The following SLC2A11 variants were observed in gnomAD, a reference collection of about 807,000 sequenced individuals.
The protein encoded by SLC2A11 is solute carrier family 2 member 11.
A neutral mutation model predicts 52.1 loss-of-function variants in SLC2A11; 43 were observed. The observed-to-expected ratio is 0.82, with a 90% CI of 0.65 to 1.06. The LOEUF is 1.06. SLC2A11 is among the 50% of genes least tolerant of loss of function. The probability of loss-of-function intolerance (pLI) is 0.00; values close to 1 mark genes in which losing one functional copy is unlikely to be tolerated. For synonymous variants in SLC2A11, 261 were observed against 277.6 expected (o/e 0.94, Z 0.59); for missense variants, 582 against 654.2 (o/e 0.89, Z 1.20).
intron 1 of SLC2A11, among the ~76,000 whole-genome samples, chr22:23,861,310 A>G (rs1438173073): frequency 1.2e-4 from 10 of 84,124 alleles, no homozygotes; most frequent in Non-Finnish European, 1.5e-4. Flanking sequence ...AAAAAAAAAA[A>G]AAAAAGAAAA....
chr22:23,884,688 G>A lies in SLC2A11; in HGVS notation c.1339G>A (p.Val447Ile), dbSNP rs372850687. 1.2e-5 allele frequency: 19 copies of A among 1,613,912 alleles called. No individual in the cohort carries two copies. The highest frequency in any genetic ancestry group is 1.4e-5 in the Non-Finnish European group (17 of 1,179,994). Reference sequence around the variant, plus strand: ...CTTCCTCTATGTCCCTTTCCTTGGTGTCTGTGTCTGTGGGGCCATCTACAC... The same window carrying A: ...CTTCCTCTATGTCCCTTTCCTTGGTATCTGTGTCTGTGGGGCCATCTACAC... Reference protein sequence around the residue: ...SHFLYVPFLGVCVCGAIYTGL... With the variant: ...SHFLYVPFLGICVCGAIYTGL... Residue 447 changes from valine (V) to isoleucine (I), a missense_variant, in exon 12 of 12, where the codon GTC becomes ATC. By Grantham distance (29) the Val-to-Ile change is conservative. Transcript: ENST00000316185. The surrounding 1 kb of genome is among the most constrained non-coding windows in gnomAD (Gnocchi z 4.3).
At position 23,857,914 on chromosome 22, in the gene SLC2A11, G is replaced by T; in HGVS notation, c.-86G>T. The T allele has an allele frequency of 6.3e-7, 1 of 1,583,034 alleles. No individual in the cohort carries two copies. The highest frequency in any genetic ancestry group is 8.6e-7 in the Non-Finnish European group (1 of 1,165,660). ...GGCGCTGCGCGCTGCCCTTCCCTCC[G>T]CGCACAGGCTGCCGGCTCACCGCTT... is the stretch of plus-strand genomic sequence containing the variant. On this transcript the variant is annotated 5_prime_UTR_variant, in exon 1 of 12. Transcript: ENST00000316185.
At chr22:23,868,733 C>A in intron 3 of SLC2A11, 92 bp downstream of exon 3, 2 of 1,484,536 alleles carry the variant, frequency 1.3e-6, no homozygotes, top group Non-Finnish European at 1.8e-6. Context: ...AGAGGCCCGG[C>A]AAGCTCCAGG....
intron 2 of SLC2A11, chr22:23,865,770 G>A (rs1019788131): frequency 5.3e-5 from 8 of 152,320 alleles, no homozygotes; most frequent in African/African-American, 1.7e-4. Context: ...GATCAGATGT[G>A]GAGGATGAGG....
Position 23,883,519 on chromosome 22 carries a change from A to C in SLC2A11, c.994-253A>C, listed in dbSNP as rs200015247. The C allele has an allele frequency of 1.3e-5, 6 of 476,572 alleles. No homozygotes were observed. In the East Asian group the frequency reaches 2.1e-4, roughly 17 times the overall value. The allele number at this position is 476,572 out of a possible 1,614,324, so 29.5% of individuals were successfully genotyped here. A position where few individuals can be genotyped will look rare whatever the true frequency, so the allele number is the denominator to read the frequency against. ...CCTGTCTCAATCAATCAATCAATGCAGTGAGTTAGAGAGCATCTATTGAGC... is the reference window on the plus strand; with the variant it reads ...CCTGTCTCAATCAATCAATCAATGCCGTGAGTTAGAGAGCATCTATTGAGC... On this transcript the variant is annotated intron_variant, in intron 8 of 11. Transcript: ENST00000316185.
intron 3 of SLC2A11, 154 bp downstream of exon 3, chr22:23,868,795 C>T: frequency 1.2e-6 from 1 of 828,938 alleles, no homozygotes; most frequent in Non-Finnish European, 1.8e-6. Flanking sequence ...TTTCACCTTG[C>T]AAGACACGTC....
At chr22:23,882,331 CAG>C (rs2146143952) in intron 6 of SLC2A11, 126 bp from the exon 7 acceptor site, 1 of 800,272 alleles carries the variant, frequency 1.2e-6, no homozygotes, top group South Asian at 1.8e-5. Context: ...CACACACACA[CAG>C]ACAGACTCAG....
At chr22:23,866,431 C>G (rs538743421) in intron 2 of SLC2A11, 1 of 169,114 alleles carries the variant, frequency 5.9e-6, no homozygotes, top group Admixed American at 6.5e-5. Context: ...AGGAGACCTG[C>G]AAATGACATT....
intron 2 of SLC2A11, chr22:23,862,472 T>G: frequency 2.1e-6 from 1 of 468,294 alleles, no homozygotes; most frequent in Non-Finnish European, 3.9e-6. Flanking sequence ...CTTCATCTCT[T>G]GGACACTAAG....
At chr22:23,874,623 AT>A (rs906486157) in intron 3 of SLC2A11, among the ~76,000 whole-genome samples, 4 of 151,176 alleles carry the variant, frequency 2.6e-5, no homozygotes, top group Admixed American at 2.6e-4. Flanking sequence ...CTAATTTTGT[AT>A]TTTTTTTAGT....
rs912549313 is a variant in SLC2A11 at position 23,877,298 on chromosome 22, C to T, written c.545+127C>T. The T allele has an allele frequency of 3.0e-5, 44 of 1,478,908 alleles. No individual in the cohort carries two copies. The African/African-American group carries it at 5.7e-4, about 19-fold the overall frequency. 91.6% of individuals were successfully genotyped at this position (1,478,908 alleles called of 1,614,324 possible). A position where few individuals can be genotyped will look rare whatever the true frequency, so the allele number is the denominator to read the frequency against. ...ATTGCTTTGCATGAAGGCATCGAAT[C>T]CTCTATCCACATCTCTGCTGCCAAT... On this transcript the variant is annotated intron_variant, in intron 5 of 11. Transcript: ENST00000316185.
chr22:23,883,885 G>A lies in SLC2A11; in HGVS notation c.1095+12G>A. 1 of 1,603,204 alleles carries A rather than the reference G, an allele frequency of 6.2e-7. No individual in the cohort carries two copies. Among genetic ancestry groups the A allele is most frequent in the Non-Finnish European group, 8.5e-7 (1 of 1,176,664 alleles). ...CCCTGTGCCTGCAGGTAGCTGGGGT[G>A]GATGAGGGCTGGGGGGTCCAGGCCG... On this transcript the variant is annotated intron_variant, in intron 9 of 11. Coordinates refer to ENST00000316185, the MANE Select transcript of SLC2A11 (RefSeq NM_001024939.4).
intron 8 of SLC2A11, 162 bp from the exon 9 acceptor site, chr22:23,883,606 GTGAT>G (rs1263009898): frequency 7.2e-6 from 4 of 558,476 alleles, no homozygotes; most frequent in African/African-American, 2.0e-5. Flanking sequence ...CTGAAGTTGG[GTGAT>G]TGATTGACCA....
intron 5 of SLC2A11, 177 bp from the exon 6 acceptor site, chr22:23,877,544 C>T (rs777939934): frequency 1.0e-5 from 9 of 884,508 alleles, no homozygotes; most frequent in Admixed American, 2.0e-5. Flanking sequence ...TGGCCCTGTC[C>T]TCTCTTGGTC....
chr22:23,864,027 G>C (rs1249078183), intron 2 of SLC2A11, among the ~76,000 whole-genome samples: 1 of 152,158 alleles, frequency 6.6e-6, no homozygotes, highest in Non-Finnish European at 1.5e-5. Context: ...TTCCAGGTTA[G>C]CTCATGTAGA....
chr22:23,861,092 G>A (rs530929437), intron 1 of SLC2A11, among the ~76,000 whole-genome samples: 23 of 151,822 alleles, frequency 1.5e-4, no homozygotes, highest in African/African-American at 4.8e-4. Context: ...TGATCCGCCC[G>A]CCTCGGCCTC....
chr22:23,858,167 T>C (rs2031924980), intron 1 of SLC2A11, 138 bp downstream of exon 1: 1 of 1,265,248 alleles, frequency 7.9e-7, no homozygotes, highest in Non-Finnish European at 1.1e-6. Context: ...GTATGTACAG[T>C]GGCGTTAGGT....
At chr22:23,874,475 G>A (rs1425354949) in intron 3 of SLC2A11, among the ~76,000 whole-genome samples, 1 of 149,826 alleles carries the variant, frequency 6.7e-6, no homozygotes, top group African/African-American at 2.5e-5. Context: ...TTTTGAGATG[G>A]AATTTTGCTC....
At chr22:23,868,672 C>T (rs1350051315) in intron 3 of SLC2A11, 31 bp downstream of exon 3, 1 of 1,611,950 alleles carries the variant, frequency 6.2e-7, no homozygotes, top group East Asian at 2.2e-5. Flanking sequence ...CCCTGAATGC[C>T]CTTTAATGAG....
Sources: allele counts gnomAD v4.1 joint callset (sites outside exome capture counted in the v4.1 genomes callset), GRCh38; gene constraint gnomAD v4.1.1; non-coding constraint Gnocchi (gnomAD v3.1); transcripts MANE v1.5; gene names NCBI Gene and HGNC (gene_info 2026-07-23, HGNC 2026-07-21).